The following NCKIPSD variants were observed in gnomAD, a reference collection of about 807,000 sequenced individuals.
NCKIPSD encodes the protein NCK-interacting protein with SH3 domain.
NCKIPSD carries 48 observed loss-of-function variants against 73.4 expected under a neutral mutation model. That is an observed-to-expected ratio of 0.65 (90% CI 0.52 to 0.83). NCKIPSD has a LOEUF of 0.83. NCKIPSD is among the 40% of genes least tolerant of loss of function. NCKIPSD has a pLI of 0.00. For synonymous variants in NCKIPSD, 422 were observed against 403.6 expected, an observed-to-expected ratio of 1.05 and a Z score of -0.54; for missense variants, 884 against 970.2, an observed-to-expected ratio of 0.91 and a Z score of 1.18.
chr3:48,685,561 C>G, intron 1 of NCKIPSD, 76 bp downstream of exon 1: 1 of 1,443,580 alleles, frequency 6.9e-7, no homozygotes, highest in Non-Finnish European at 9.1e-7. Context: ...GGTGGGGTCC[C>G]TGGGTCGGTT....
At chr3:48,678,507 C>A (rs2077290103) in intron 12 of NCKIPSD, 57 bp downstream of exon 12, 2 of 1,534,846 alleles carry the variant, frequency 1.3e-6, no homozygotes, top group South Asian at 2.5e-5. Flanking sequence ...ATGCCCCCCA[C>A]CATTTTGTTT....
chr3:48,681,906 C>T (rs2077359926), intron 4 of NCKIPSD, 126 bp from the exon 5 acceptor site: 26 of 1,464,508 alleles, frequency 1.8e-5, no homozygotes, highest in Non-Finnish European at 2.2e-5. Context: ...CCTCACAAAG[C>T]CCAGAGCCCC....
chr3:48,678,775 T>TG, intron 11 of NCKIPSD, 39 bp from the exon 12 acceptor site: 1 of 1,611,106 alleles, frequency 6.2e-7, no homozygotes, highest in Non-Finnish European at 8.5e-7. Context: ...GTGGACCTTG[T>TG]GGGGATCCCA....
intron 12 of NCKIPSD, among the ~76,000 whole-genome samples, chr3:48,678,133 G>A (rs923552544): frequency 3.9e-5 from 6 of 151,940 alleles, no homozygotes; most frequent in Non-Finnish European, 1.5e-5. Context: ...GCCTCTTCTC[G>A]CCACTGCCAC....
chr3:48,682,549 C>T lies in NCKIPSD; in HGVS notation c.285G>A (p.Lys95=). The change falls in exon 3 of 13, where the codon AAG becomes AAA. Residue 95 remains lysine (K), a synonymous_variant. Coordinates refer to ENST00000294129, the MANE Select transcript of NCKIPSD (RefSeq NM_016453.4). ...GGGTCTCTTTCCGGTGGTGGATCAG[C>T]TTCCTGATGGAAGGACAGGAAGACT... ...YSLEQRGVLQ[K]LIHHRKETLS... is the part of the protein sequence containing the mutation. 1 of 1,613,924 alleles carries T rather than the reference C, an allele frequency of 6.2e-7. No individual in the cohort carries two copies. Among genetic ancestry groups the T allele is most frequent in the East Asian group, 2.2e-5 (1 of 44,876 alleles).
At position 48,678,672 on chromosome 3, in the gene NCKIPSD, C is replaced by A. The variant is rs1020767937; in HGVS notation, c.1857G>T (p.Gln619His). The A allele has an allele frequency of 6.2e-7, 1 of 1,614,198 alleles. No homozygotes were observed. Among genetic ancestry groups the A allele is most frequent in the Non-Finnish European group, 8.5e-7 (1 of 1,180,026 alleles). ...QPPHSVLKFL[Q>H]DVFGSPATAA... ...CTGTGGCCGGGCTGCCAAACACGTC[C>A]TGCAGGAACTTGAGGACAGAGTGTG... Residue 619 changes from glutamine (Q) to histidine (H), a missense_variant, in exon 12 of 13, where the codon CAG (glutamine) becomes CAT (histidine). Gln to His is a conservative substitution (Grantham distance 24). Coordinates refer to ENST00000294129, the MANE Select transcript of NCKIPSD (RefSeq NM_016453.4).
chr3:48,674,665 A>G lies in NCKIPSD; in HGVS notation c.2048T>C (p.Leu683Pro). ...YLQHRHRLPD[L>P]QAILRRILNE... ...CAGGATGCGTCGCAGTATGGCCTGCAGGTCGGGTAGCCGGTGGCGGTGCTG... is the reference window on the plus strand; with the variant it reads ...CAGGATGCGTCGCAGTATGGCCTGCGGGTCGGGTAGCCGGTGGCGGTGCTG... Residue 683 changes from leucine to proline, a missense_variant, in exon 13 of 13, where the codon CTG becomes CCG. Leu to Pro is a moderately conservative substitution (Grantham distance 98). Coordinates refer to ENST00000294129, the MANE Select transcript of NCKIPSD (RefSeq NM_016453.4). 6.2e-7 allele frequency: 1 copy of G among 1,614,046 alleles called. No homozygotes were observed. The highest frequency in any genetic ancestry group is 8.5e-7 in the Non-Finnish European group (1 of 1,179,976).
intron 1 of NCKIPSD, among the ~76,000 whole-genome samples, chr3:48,684,940 G>C (rs974681289): frequency 3.3e-5 from 5 of 152,004 alleles, no homozygotes; most frequent in Admixed American, 1.3e-4. Context: ...AGGGGCATGG[G>C]TCCTTGGTTC....
chr3:48,677,021 C>T (rs190714894), intron 12 of NCKIPSD, among the ~76,000 whole-genome samples: 59 of 150,596 alleles, frequency 3.9e-4, no homozygotes, highest in Middle Eastern at 6.8e-3. Flanking sequence ...AAGTGATCCA[C>T]CCACCTCAGC....
At chr3:48,682,637 A>G in intron 2 of NCKIPSD, 85 bp from the exon 3 acceptor site, 2 of 1,471,972 alleles carry the variant, frequency 1.4e-6, no homozygotes, top group Non-Finnish European at 9.4e-7. Flanking sequence ...CTGGGACCCC[A>G]TAGCCCAGGC....
At position 48,678,744 on chromosome 3, in the gene NCKIPSD, G is replaced by A. The variant is rs1393775769; in HGVS notation, c.1793-8C>T. On this transcript the variant is annotated splice_region_variant and splice_polypyrimidine_tract_variant and intron_variant, in intron 11 of 12. Coordinates refer to ENST00000294129, the MANE Select transcript of NCKIPSD (RefSeq NM_016453.4). ...AGATGCGCACAGGGTCATCTAGGAG[G>A]CAGGGGTCATAGCGGTCAGGGTGGA... The A allele has an allele frequency of 6.2e-6, 10 of 1,612,886 alleles. No individual in the cohort carries two copies. Among genetic ancestry groups the A allele is most frequent in the Non-Finnish European group, 7.6e-6 (9 of 1,179,382 alleles).
chr3:48,684,879 G>T (rs966860168), intron 1 of NCKIPSD, among the ~76,000 whole-genome samples: 2 of 152,154 alleles, frequency 1.3e-5, no homozygotes, highest in African/African-American at 4.8e-5. Context: ...CATTTTCAAA[G>T]CAAGAAAGTT....
intron 1 of NCKIPSD, among the ~76,000 whole-genome samples, chr3:48,684,109 A>G (rs1217826796): frequency 6.6e-6 from 1 of 152,204 alleles, no homozygotes; most frequent in African/African-American, 2.4e-5. Context: ...AGAAAGAAAC[A>G]GAGCCAAAGC....
intron 5 of NCKIPSD, 130 bp downstream of exon 5, chr3:48,681,157 C>T: frequency 7.4e-7 from 1 of 1,357,472 alleles, no homozygotes; most frequent in East Asian, 2.4e-5. Context: ...CTCAACGTCC[C>T]CAGTGCCCAG....
Position 48,678,492 on chromosome 3 carries a change from A to T in NCKIPSD, c.1965+72T>A, listed in dbSNP as rs528166872. ...GGCCTTGCCCCCTCATCTCCACTCA[A>T]TGTCATGCCCCCCACCATTTTGTTT... On this transcript the variant is annotated intron_variant, in intron 12 of 12. Coordinates refer to ENST00000294129, the MANE Select transcript of NCKIPSD (RefSeq NM_016453.4). 48 of 1,496,518 alleles carry T rather than the reference A, an allele frequency of 3.2e-5. No individual in the cohort carries two copies. In the South Asian group the frequency reaches 5.7e-4, roughly 18 times the overall value. The allele number at this position is 1,496,518 out of a possible 1,614,324, so 92.7% of individuals were successfully genotyped here. A position where few individuals can be genotyped will look rare whatever the true frequency, so the allele number is the denominator to read the frequency against.
chr3:48,679,061 G>A lies in NCKIPSD; in HGVS notation c.1693C>T (p.Leu565=). 6.2e-7 allele frequency: 1 copy of A among 1,614,178 alleles called. No homozygotes were observed. Among genetic ancestry groups the A allele is most frequent in the South Asian group, 1.1e-5 (1 of 91,090 alleles). Residue 565 remains leucine, a synonymous_variant, in exon 10 of 13, where the codon CTG becomes TTG. Transcript: ENST00000294129. ...VNLLLALNLH[L]PAADQNVIMA... is the part of the protein sequence containing the mutation. ...CAGCCAGGCCCCACCCCACCTGGCA[G>A]GTGCAGGTTGAGAGCCAGAAGCAGG...
At chr3:48,679,518 G>A (rs192425609) in intron 8 of NCKIPSD, 57 bp downstream of exon 8, 18 of 1,607,748 alleles carry the variant, frequency 1.1e-5, no homozygotes, top group East Asian at 6.7e-5. Context: ...CCAGCAGATG[G>A]CAGGAACACC....
At position 48,681,549 on chromosome 3, in the gene NCKIPSD, G is replaced by A; in HGVS notation, c.830C>T (p.Ala277Val). The A allele has an allele frequency of 4.3e-6, 7 of 1,614,100 alleles. No individual in the cohort carries two copies. Among genetic ancestry groups the A allele is most frequent in the Non-Finnish European group, 5.9e-6 (7 of 1,180,020 alleles). Residue 277 changes from alanine (A) to valine (V), a missense_variant, in exon 5 of 13, where the codon GCA (alanine) becomes GTA (valine). Coordinates refer to ENST00000294129, the MANE Select transcript of NCKIPSD (RefSeq NM_016453.4). Reference sequence around the variant, plus strand: ...ATCAGAGGCTGAGGTTGTACCAGTTGCCACTTCTTCTTCTGCAGGGGGTTC... The same window carrying A: ...ATCAGAGGCTGAGGTTGTACCAGTTACCACTTCTTCTTCTGCAGGGGGTTC... ...APEPPAEEEV[A>V]TGTTSASDDL...
chr3:48,681,116 G>T, intron 5 of NCKIPSD, 171 bp downstream of exon 5: 1 of 1,059,110 alleles, frequency 9.4e-7, no homozygotes, highest in Non-Finnish European at 1.3e-6. Flanking sequence ...TGCCTGGAAT[G>T]CTTGTCCTTC....
Sources: allele counts gnomAD v4.1 joint callset (sites outside exome capture counted in the v4.1 genomes callset), GRCh38; gene constraint gnomAD v4.1.1; transcripts MANE v1.5; gene names NCBI Gene and HGNC (gene_info 2026-07-23, HGNC 2026-07-21).